CCDC146: variants seen among roughly 807,000 people sequenced by gnomAD.
CCDC146 encodes coiled-coil domain containing 146, also known as coiled-coil domain-containing protein 146.
CCDC146 carries 92 observed loss-of-function variants against 119.3 expected under a neutral mutation model. The observed-to-expected ratio is 0.77, with a 90% CI of 0.65 to 0.92. The LOEUF is 0.92. CCDC146 is among the 40% of genes least tolerant of loss of function. The probability of loss-of-function intolerance (pLI) is 0.00; values close to 1 mark genes in which losing one functional copy is unlikely to be tolerated. For missense variants in CCDC146, 1,000 were observed against 1,103.0 expected (o/e 0.91, Z 1.32); for synonymous variants, 372 against 371.8 (o/e 1.00, Z -0.01).
At chr7:77,164,208 T>G (rs1028006870) in intron 1 of CCDC146, among the ~76,000 whole-genome samples, 2 of 152,124 alleles carry the variant, frequency 1.3e-5, no homozygotes, top group Non-Finnish European at 2.9e-5. Context: ...TATAGCCTAA[T>G]GTTCTGAAGG....
chr7:77,218,836 A>G (rs1041653840), intron 2 of CCDC146, among the ~76,000 whole-genome samples: 2 of 151,870 alleles, frequency 1.3e-5, no homozygotes, highest in African/African-American at 4.8e-5. Context: ...CCTCCCAATG[A>G]GCTGGGATTA....
At chr7:77,148,346 C>A (rs1791056095) in intron 1 of CCDC146, among the ~76,000 whole-genome samples, 2 of 152,170 alleles carry the variant, frequency 1.3e-5, no homozygotes, top group South Asian at 4.1e-4. Flanking sequence ...TACCCTGACC[C>A]CTTGTGCTTC....
At chr7:77,161,022 AAAC>A (rs1382392345) in intron 1 of CCDC146, among the ~76,000 whole-genome samples, 1 of 152,240 alleles carries the variant, frequency 6.6e-6, no homozygotes, top group Non-Finnish European at 1.5e-5. Context: ...TGCAGCCAAA[AAAC>A]ACATGAAAAA....
chr7:77,249,977 C>CT (rs1793027716), intron 4 of CCDC146, among the ~76,000 whole-genome samples: 1 of 152,170 alleles, frequency 6.6e-6, no homozygotes, highest in South Asian at 2.1e-4. Flanking sequence ...AGTTGTACAT[C>CT]TTTTTTTACT....
chr7:77,221,371 ACAGT>A (rs1792400038), intron 2 of CCDC146, among the ~76,000 whole-genome samples: 1 of 152,260 alleles, frequency 6.6e-6, no homozygotes, highest in Admixed American at 6.5e-5. Context: ...TATTCTACAT[ACAGT>A]CAACCAGTCC....
intron 1 of CCDC146, among the ~76,000 whole-genome samples, chr7:77,137,877 T>A (rs140526627): frequency 0.17 from 23,734 of 140,456 alleles, 2,342 homozygotes; most frequent in Non-Finnish European, 0.18. Context: ...GTAGGTTCTG[T>A]TGTCTTAGTT....
At chr7:77,158,315 T>G (rs1395017293) in intron 1 of CCDC146, among the ~76,000 whole-genome samples, 1 of 152,154 alleles carries the variant, frequency 6.6e-6, no homozygotes, top group South Asian at 2.1e-4. Flanking sequence ...AGAATTACCA[T>G]ACCTGATGGC....
chr7:77,286,739 A>G, intron 15 of CCDC146, 59 bp from the exon 16 acceptor site: 2 of 1,572,440 alleles, frequency 1.3e-6, no homozygotes, highest in Non-Finnish European at 8.7e-7. Context: ...AGGCAATGTG[A>G]TTTTCAGATT....
intron 4 of CCDC146, among the ~76,000 whole-genome samples, chr7:77,249,531 G>T (rs903838827): frequency 3.3e-5 from 5 of 150,404 alleles, no homozygotes; most frequent in Non-Finnish European, 5.9e-5. Context: ...CTTCTCAGAG[G>T]ATTGACTCTT....
intron 15 of CCDC146, among the ~76,000 whole-genome samples, chr7:77,286,435 G>A (rs896556627): frequency 1.8e-4 from 28 of 152,056 alleles, no homozygotes; most frequent in African/African-American, 6.8e-4. Flanking sequence ...GATTTGGAGG[G>A]GGACACATCG....
At chr7:77,229,251 A>T (rs552832126) in intron 2 of CCDC146, among the ~76,000 whole-genome samples, 2 of 152,066 alleles carry the variant, frequency 1.3e-5, no homozygotes, top group South Asian at 4.2e-4. Context: ...GTTTGCAAAA[A>T]TTTTTCCCAT....
In CCDC146 at chr7:77,144,959, T is replaced by G. The variant is rs537232817; in HGVS notation, c.-12+22227T>G. 3.3e-5 allele frequency among the ~76,000 whole-genome samples: 5 copies of G among 151,956 alleles called. No homozygotes were observed. In the East Asian group the frequency reaches 9.6e-4, roughly 29 times the overall value. ...AAGTGAATTAGGGAGGATTCCCTCT[T>G]TTTCTATTGACTGGAATAGTTTCAG... On this transcript the variant is annotated intron_variant, in intron 1 of 18. Coordinates refer to ENST00000285871, the MANE Select transcript of CCDC146 (RefSeq NM_020879.3).
At chr7:77,234,615 GT>G (rs1792698802) in intron 2 of CCDC146, among the ~76,000 whole-genome samples, 1 of 152,104 alleles carries the variant, frequency 6.6e-6, no homozygotes. Context: ...TGCGCCTGTA[GT>G]CCCACCTAAT....
intron 4 of CCDC146, among the ~76,000 whole-genome samples, chr7:77,252,893 GTTAC>G (rs1487275456): frequency 1.3e-5 from 2 of 152,166 alleles, no homozygotes; most frequent in Admixed American, 1.3e-4. Context: ...GAAGACATTT[GTTAC>G]TTACTTCCAC....
intron 14 of CCDC146, 134 bp downstream of exon 14, chr7:77,280,787 CTG>C: frequency 1.6e-6 from 1 of 644,024 alleles, no homozygotes; most frequent in South Asian, 2.0e-5. Flanking sequence ...AGAGAAGGGA[CTG>C]TGTGTTGCTT....
chr7:77,274,699 G>C, intron 11 of CCDC146, 47 bp downstream of exon 11: 1 of 1,481,628 alleles, frequency 6.7e-7, no homozygotes, highest in East Asian at 2.3e-5. Flanking sequence ...AAGAGTTCAG[G>C]GTAGCCTCAT....
intron 1 of CCDC146, among the ~76,000 whole-genome samples, chr7:77,158,934 C>T (rs542179440): frequency 6.6e-6 from 1 of 152,072 alleles, no homozygotes; most frequent in Non-Finnish European, 1.5e-5. Context: ...ATATTTGCCT[C>T]TGTTGGGTTT....
intron 2 of CCDC146, among the ~76,000 whole-genome samples, chr7:77,220,121 AT>A (rs937740331): frequency 6.6e-6 from 1 of 152,142 alleles, no homozygotes; most frequent in Non-Finnish European, 1.5e-5. Context: ...ACCAGGGCCT[AT>A]TTCATCCCGT....
At chr7:77,205,633 C>G (rs1792068879) in intron 2 of CCDC146, among the ~76,000 whole-genome samples, 1 of 152,172 alleles carries the variant, frequency 6.6e-6, no homozygotes, top group South Asian at 2.1e-4. Flanking sequence ...ATGGTGCACA[C>G]CTGTGGTCCC....
Sources: allele counts gnomAD v4.1 joint callset (sites outside exome capture counted in the v4.1 genomes callset), GRCh38; gene constraint gnomAD v4.1.1; transcripts MANE v1.5; gene names NCBI Gene and HGNC (gene_info 2026-07-23, HGNC 2026-07-21).